INSC: variants seen among roughly 807,000 people sequenced by gnomAD.
INSC encodes the protein INSC spindle orientation adaptor protein.
In INSC, 67 loss-of-function variants were observed where a neutral mutation model predicts 58.6. The observed-to-expected ratio is 1.14, with a 90% CI of 0.94 to 1.40. The LOEUF is 1.40. Among genes scored for constraint, INSC ranks in the 40% most tolerant of loss-of-function variants. INSC has a pLI of 0.00. For synonymous variants in INSC, 262 were observed against 276.1 expected, an observed-to-expected ratio of 0.95 and a Z score of 0.51; for missense variants, 714 against 692.0, an observed-to-expected ratio of 1.03 and a Z score of -0.36.
intron 7 of INSC, 119 bp downstream of exon 7, chr11:15,201,068 C>T: frequency 7.9e-7 from 1 of 1,272,064 alleles, no homozygotes; most frequent in Non-Finnish European, 1.1e-6. Context: ...AGTCCTTTTC[C>T]CAGGCACCAT....
chr11:15,168,971 C>G (rs958170603), intron 2 of INSC, among the ~76,000 whole-genome samples: 4 of 152,176 alleles, frequency 2.6e-5, no homozygotes, highest in Non-Finnish European at 5.9e-5. Flanking sequence ...GAAGCAGCAG[C>G]TTGCCTAAGG....
At chr11:15,232,685 A>T (rs1424791147) in intron 9 of INSC, among the ~76,000 whole-genome samples, 9 of 152,186 alleles carry the variant, frequency 5.9e-5, no homozygotes, top group Non-Finnish European at 1.0e-4. Flanking sequence ...AGATCTTGAC[A>T]TAGGAATGTT....
intron 1 of INSC, among the ~76,000 whole-genome samples, chr11:15,128,086 T>C (rs1049244933): frequency 6.6e-6 from 1 of 152,128 alleles, no homozygotes; most frequent in African/African-American, 2.4e-5. Context: ...TTATCCTCTC[T>C]GGGCCTCAAT....
intron 6 of INSC, among the ~76,000 whole-genome samples, chr11:15,191,456 G>C (rs980964326): frequency 1.3e-5 from 2 of 152,112 alleles, no homozygotes; most frequent in African/African-American, 4.8e-5. Flanking sequence ...TGTCCCTGAG[G>C]TCCATGGGAT....
intron 10 of INSC, among the ~76,000 whole-genome samples, chr11:15,237,762 A>C (rs1211956469): frequency 6.6e-6 from 1 of 152,224 alleles, no homozygotes; most frequent in Non-Finnish European, 1.5e-5. Context: ...CTCACCAGAG[A>C]CAGGATCAAT....
intron 7 of INSC, among the ~76,000 whole-genome samples, chr11:15,217,342 A>C (rs1851258267): frequency 6.6e-6 from 1 of 152,216 alleles, no homozygotes. Context: ...CTCTCATGAC[A>C]TGGGGATTAT....
chr11:15,218,691 A>G lies in INSC; in HGVS notation c.820-2786A>G, dbSNP rs547635641. 3.9e-5 allele frequency among the ~76,000 whole-genome samples: 6 copies of G among 152,328 alleles called. No individual in the cohort carries two copies. In the South Asian group the frequency reaches 1.0e-3, roughly 26 times the overall value. Reference sequence around the variant, plus strand: ...ACGATGGGCAATTGGCAATTGTATAAGCAACTCCACACATCCTCTGGAAAC... The same window carrying G: ...ACGATGGGCAATTGGCAATTGTATAGGCAACTCCACACATCCTCTGGAAAC... On this transcript the variant is annotated intron_variant, in intron 7 of 12. Transcript: ENST00000379556.
intron 12 of INSC, 114 bp downstream of exon 12, chr11:15,240,637 G>A (rs1255323635): frequency 1.3e-6 from 1 of 753,502 alleles, no homozygotes; most frequent in Admixed American, 2.1e-5. Context: ...ACCTCTCTGG[G>A]CTTTAGCTTT....
chr11:15,200,348 T>C (rs549099454), intron 6 of INSC, among the ~76,000 whole-genome samples: 1 of 152,256 alleles, frequency 6.6e-6, no homozygotes, highest in Admixed American at 6.5e-5. Flanking sequence ...GTTGGAAGAA[T>C]CTGAGGAATA....
At chr11:15,161,087 A>G (rs991022391) in intron 2 of INSC, among the ~76,000 whole-genome samples, 1 of 152,230 alleles carries the variant, frequency 6.6e-6, no homozygotes, top group Non-Finnish European at 1.5e-5. Flanking sequence ...AATTTGTTAG[A>G]GTAGTCAAAT....
chr11:15,176,229 T>G (rs564782507), intron 3 of INSC, 143 bp downstream of exon 3: 1 of 704,818 alleles, frequency 1.4e-6, no homozygotes, highest in South Asian at 2.3e-5. Flanking sequence ...AGAAAGAGAG[T>G]GGAATCTTTA....
intron 12 of INSC, among the ~76,000 whole-genome samples, chr11:15,242,495 G>A (rs565333847): frequency 6.6e-6 from 1 of 152,126 alleles, no homozygotes; most frequent in Admixed American, 6.5e-5. Context: ...GAACCTTTCT[G>A]TGGTTCCTCA....
chr11:15,235,793 T>C lies in INSC; in HGVS notation c.1237+125T>C, dbSNP rs559634217. 122 of 850,986 alleles carry C rather than the reference T, an allele frequency of 1.4e-4. 3 individuals carry two copies. In the East Asian group the frequency reaches 1.8e-3, roughly 13 times the overall value. The allele number at this position is 850,986 out of a possible 1,614,324, so 52.7% of individuals were successfully genotyped here. A position where few individuals can be genotyped will look rare whatever the true frequency, so the allele number is the denominator to read the frequency against. On this transcript the variant is annotated intron_variant, in intron 10 of 12. Transcript: ENST00000379556. ...TACATGTGGCCGGGCGCAGGAATCATGCCTGTAATCCCAGCACTTTGGGAA... is the reference window on the plus strand; with the variant it reads ...TACATGTGGCCGGGCGCAGGAATCACGCCTGTAATCCCAGCACTTTGGGAA...
intron 1 of INSC, among the ~76,000 whole-genome samples, chr11:15,119,424 C>T (rs1389417685): frequency 1.3e-5 from 2 of 152,186 alleles, no homozygotes; most frequent in East Asian, 3.9e-4. Flanking sequence ...TCTCCCCTCC[C>T]CCAGCTCCAG....
At chr11:15,123,525 T>G (rs1184306257) in intron 1 of INSC, among the ~76,000 whole-genome samples, 1 of 152,202 alleles carries the variant, frequency 6.6e-6, no homozygotes, top group Non-Finnish European at 1.5e-5. Context: ...AGGAAAATGA[T>G]CATTCATTTT....
Position 15,178,426 on chromosome 11 carries a change from G to T in INSC, c.558G>T (p.Leu186=). ...AGCACTTTGGTCAGCTGCTGGAGCT[G>T]GCCCTGACACGGGAGGTTCAGGTCA... ...LGQHFGQLLE[L]ALTREVQALV... is the part of the protein sequence containing the mutation. The change falls in exon 5 of 13, where the codon CTG becomes CTT. Residue 186 remains leucine (L), a synonymous_variant. Coordinates refer to ENST00000379556, the MANE Select transcript of INSC (RefSeq NM_001042536.3). 1 of 1,611,890 alleles carries T rather than the reference G, an allele frequency of 6.2e-7. No individual in the cohort carries two copies.
the INSC span, among the ~76,000 whole-genome samples, chr11:15,264,449 A>G: frequency 1.4e-5 from 2 of 143,680 alleles, no homozygotes; most frequent in African/African-American, 5.2e-5. Flanking sequence ...TACATCTACC[A>G]GTAGCCTTAA....
Position 15,200,876 on chromosome 11 carries a change from G to C in INSC, c.746G>C (p.Cys249Ser). The change falls in exon 7 of 13, where the codon TGC (cysteine) becomes TCC (serine). Residue 249 changes from cysteine to serine, a missense_variant. Transcript: ENST00000379556. ...GTTTGCCGGCAGGACAGTTTCCGGTGCTTGTACCCCCAGGCGCTCCGCACG... is the reference window on the plus strand; with the variant it reads ...GTTTGCCGGCAGGACAGTTTCCGGTCCTTGTACCCCCAGGCGCTCCGCACG... ...FKVCRQDSFR[C>S]LYPQALRTLA... The C allele has an allele frequency of 6.2e-7, 1 of 1,614,048 alleles. No individual in the cohort carries two copies. Among genetic ancestry groups the C allele is most frequent in the African/African-American group, 1.3e-5 (1 of 75,038 alleles).
At chr11:15,191,289 T>C (rs375080355) in intron 6 of INSC, among the ~76,000 whole-genome samples, 1 of 150,944 alleles carries the variant, frequency 6.6e-6, no homozygotes, top group African/African-American at 2.4e-5. Flanking sequence ...GGTGTCTGCA[T>C]TTTTAGTAGG....
Sources: allele counts gnomAD v4.1 joint callset (sites outside exome capture counted in the v4.1 genomes callset), GRCh38; gene constraint gnomAD v4.1.1; transcripts MANE v1.5; gene names NCBI Gene and HGNC (gene_info 2026-07-23, HGNC 2026-07-21).